SLC45A4: variants seen among roughly 807,000 people sequenced by gnomAD.
SLC45A4 encodes solute carrier family 45 member 4, also known as polyamine-transporter SLC45A4.
In SLC45A4, 32 loss-of-function variants were observed where a neutral mutation model predicts 63.7. The observed-to-expected ratio is 0.50, with a 90% confidence interval of 0.38 to 0.67. The LOEUF (loss-of-function observed/expected upper bound fraction) is 0.67, where lower values mean the gene tolerates loss of function less well. Among genes scored for constraint, SLC45A4 ranks in the 30% least tolerant of loss-of-function variants. The probability of loss-of-function intolerance (pLI) is 0.00; values close to 1 mark genes in which losing one functional copy is unlikely to be tolerated. For missense variants in SLC45A4, 1,027 were observed against 1,157.7 expected, an observed-to-expected ratio of 0.89 and a Z score of 1.64; for synonymous variants, 535 against 510.0, an observed-to-expected ratio of 1.05 and a Z score of -0.66.
chr8:141,211,971 A>G (rs1382411635), intron 8 of SLC45A4: 3 of 1,286,194 alleles, frequency 2.3e-6, no homozygotes, highest in Non-Finnish European at 2.0e-6. Context: ...TCTTTTAATT[A>G]TCGAAAAAGT....
rs1182243382 is a variant in SLC45A4 at position 141,256,473 on chromosome 8, C to T, written c.-400-1844G>A. On this transcript the variant is annotated intron_variant, in intron 1 of 8. Transcript: ENST00000517878. The surrounding 1 kb of genome is among the most constrained non-coding windows in gnomAD (Gnocchi z 4.3). ...CAGAAACCTCGAGGTGCTGTCTTCA[C>T]TCGGCTCCTCTCTCACACAGCCCTG... is the stretch of plus-strand genomic sequence containing the variant. The T allele has an allele frequency of 8.9e-6, 4 of 450,486 alleles. No individual in the cohort carries two copies. Among genetic ancestry groups the T allele is most frequent in the African/African-American group, 2.0e-5 (1 of 49,870 alleles). The allele number at this position is 450,486 out of a possible 1,614,324, so 27.9% of individuals were successfully genotyped here. A position where few individuals can be genotyped will look rare whatever the true frequency, so the allele number is the denominator to read the frequency against.
intron 8 of SLC45A4, 65 bp downstream of exon 8, chr8:141,212,132 C>CCTG (rs1825858388): frequency 1.7e-6 from 2 of 1,178,358 alleles, no homozygotes; most frequent in African/African-American, 3.2e-5. Flanking sequence ...ATGGCCTGGC[C>CCTG]CCGCCGCCCG....
chr8:141,297,362 C>A (rs765674710), intron 1 of SLC45A4, among the ~76,000 whole-genome samples: 1 of 152,076 alleles, frequency 6.6e-6, no homozygotes, highest in Non-Finnish European at 1.5e-5. Context: ...CCCGCTAAGC[C>A]GAAGCAGAAC....
intron 8 of SLC45A4, 86 bp downstream of exon 8, chr8:141,212,111 T>G: frequency 7.0e-7 from 1 of 1,435,140 alleles, no homozygotes; most frequent in South Asian, 1.5e-5. Context: ...GCGGTGTCTC[T>G]GCTCCCGCCC....
intron 2 of SLC45A4, among the ~76,000 whole-genome samples, chr8:141,232,576 C>T (rs530895668): frequency 2.0e-5 from 3 of 152,140 alleles, no homozygotes; most frequent in Admixed American, 6.5e-5. Flanking sequence ...CTCAACGGCT[C>T]CCAGGTGAGC....
intron 1 of SLC45A4, among the ~76,000 whole-genome samples, chr8:141,272,451 G>A (rs938116792): frequency 4.6e-5 from 7 of 152,194 alleles, no homozygotes; most frequent in African/African-American, 1.4e-4. Flanking sequence ...AGGCTACCAC[G>A]GGAGGGTCGT....
intron 1 of SLC45A4, among the ~76,000 whole-genome samples, chr8:141,300,699 C>G (rs1830712993): frequency 6.6e-6 from 1 of 152,262 alleles, no homozygotes; most frequent in African/African-American, 2.4e-5. Flanking sequence ...CTGGCCATGT[C>G]AGTCTTCTCT....
At chr8:141,268,595 C>A (rs1303562091) in intron 1 of SLC45A4, among the ~76,000 whole-genome samples, 1 of 152,146 alleles carries the variant, frequency 6.6e-6, no homozygotes, top group Non-Finnish European at 1.5e-5. Flanking sequence ...TGTTGTGAAC[C>A]TAAAACTGCT....
chr8:141,275,596 G>A (rs1829699006), intron 1 of SLC45A4, among the ~76,000 whole-genome samples: 1 of 150,302 alleles, frequency 6.7e-6, no homozygotes, highest in South Asian at 2.1e-4. Flanking sequence ...GCAATATAGT[G>A]AGACCCCTGT....
At chr8:141,296,069 C>T (rs1830537714) in intron 1 of SLC45A4, among the ~76,000 whole-genome samples, 1 of 152,106 alleles carries the variant, frequency 6.6e-6, no homozygotes, top group Non-Finnish European at 1.5e-5. Context: ...CAGTGGCTGA[C>T]GCCTGTAATC....
chr8:141,215,648 G>C lies in SLC45A4; in HGVS notation c.1941+111C>G. 9.2e-7 allele frequency: 1 copy of C among 1,087,248 alleles called. No homozygotes were observed. Among genetic ancestry groups the C allele is most frequent in the Middle Eastern group, 2.8e-4 (1 of 3,546 alleles). The allele number at this position is 1,087,248 out of a possible 1,614,324, so 67.4% of individuals were successfully genotyped here. On this transcript the variant is annotated intron_variant, in intron 7 of 8. Coordinates refer to ENST00000517878, the MANE Select transcript of SLC45A4 (RefSeq NM_001286646.2). The surrounding 1 kb of genome is among the most constrained non-coding windows in gnomAD (Gnocchi z 4.3). ...CCATCTCAGAACCGGAGAGGAAGGA[G>C]GGCCATCTGTGTCGTGAACGTCCCC...
intron 2 of SLC45A4, among the ~76,000 whole-genome samples, chr8:141,223,607 G>A (rs969980056): frequency 6.6e-6 from 1 of 152,194 alleles, no homozygotes; most frequent in Admixed American, 6.5e-5. Flanking sequence ...AAGGGCTCTC[G>A]GTGCCTCCTG....
intron 1 of SLC45A4, among the ~76,000 whole-genome samples, chr8:141,271,698 T>C (rs1264485531): frequency 6.6e-6 from 1 of 152,166 alleles, no homozygotes. Context: ...CTCTCACAGA[T>C]ATGATCATAT....
Position 141,233,573 on chromosome 8 carries a change from G to T in SLC45A4, c.242-11808C>A, listed in dbSNP as rs189754123. Among the ~76,000 whole-genome samples the T allele has an allele frequency of 4.6e-5, 7 of 152,300 alleles. No homozygotes were observed. The East Asian group carries it at 9.6e-4, about 21-fold the overall frequency. On this transcript the variant is annotated intron_variant, in intron 2 of 8. Transcript: ENST00000517878. ...ATGGTGGCAGACACCTGTAATCCCA[G>T]CTACTTGGGAGGCTGAGGCACAAGC...
intron 2 of SLC45A4, among the ~76,000 whole-genome samples, chr8:141,250,985 T>C (rs1170894835): frequency 2.0e-5 from 3 of 152,168 alleles, no homozygotes; most frequent in African/African-American, 4.8e-5. Context: ...AAAGCCACAA[T>C]ACACATCATC....
At chr8:141,222,116 C>T (rs960557468) in intron 2 of SLC45A4, among the ~76,000 whole-genome samples, 1 of 152,266 alleles carries the variant, frequency 6.6e-6, no homozygotes, top group African/African-American at 2.4e-5. Context: ...AGCCCCTCCA[C>T]ACTGCTGGTG....
At position 141,212,209 on chromosome 8, in the gene SLC45A4, C is replaced by T. The variant is rs1345876066; in HGVS notation, c.2289G>A (p.Glu763=). ...TRKEGLQGPV[E]TESVTPAGID... Reference sequence around the variant, plus strand: ...GTGCGGCTCAGACCACGGACTCTGTCTCCACCGGTCCCTGCAGGCCCTCCT... The same window carrying T: ...GTGCGGCTCAGACCACGGACTCTGTTTCCACCGGTCCCTGCAGGCCCTCCT... Residue 763 remains glutamate (E), a synonymous_variant, in exon 8 of 9, where the codon GAG becomes GAA. Coordinates refer to ENST00000517878, the MANE Select transcript of SLC45A4 (RefSeq NM_001286646.2). 6.6e-7 allele frequency: 1 copy of T among 1,508,168 alleles called. No homozygotes were observed. Among genetic ancestry groups the T allele is most frequent in the Non-Finnish European group, 8.9e-7 (1 of 1,125,148 alleles). 93.4% of individuals were successfully genotyped at this position (1,508,168 alleles called of 1,614,324 possible).
rs1243968328 is a variant in SLC45A4, at chr8:141,278,478, G to A, written c.-400-23849C>T. The A allele has an allele frequency of 6.6e-6, 1 of 150,682 alleles. No homozygotes were observed. Among genetic ancestry groups the A allele is most frequent in the Non-Finnish European group, 1.5e-5 (1 of 68,270 alleles). 9.3% of individuals were successfully genotyped at this position (150,682 alleles called of 1,614,324 possible). A position where few individuals can be genotyped will look rare whatever the true frequency, so the allele number is the denominator to read the frequency against. ...GAGCACAACCCACGAGGACACTGGC[G>A]GGACAGGGGTGAGCACCTGTGGTGG... On this transcript the variant is annotated intron_variant, in intron 1 of 8. Transcript: ENST00000517878. The surrounding 1 kb of genome is among the most constrained non-coding windows in gnomAD (Gnocchi z 4.1).
At chr8:141,280,525 C>T (rs115847700) in intron 1 of SLC45A4, among the ~76,000 whole-genome samples, 2,610 of 152,230 alleles carry the variant, frequency 0.017, 30 homozygotes, top group Non-Finnish European at 0.023. Flanking sequence ...CAGTGGGTCA[C>T]GCGGGGCCCC....
Sources: gnomAD v4.1 joint callset for allele counts (sites outside exome capture counted in the v4.1 genomes callset) on GRCh38, gnomAD v4.1.1 for gene constraint, Gnocchi (gnomAD v3.1) non-coding constraint, MANE v1.5 for transcripts, NCBI Gene and HGNC (gene_info 2026-07-23, HGNC 2026-07-21) for gene names.